The following ADAM12 variants were observed in gnomAD, a reference collection of about 807,000 sequenced individuals.
ADAM12 encodes the protein ADAM metallopeptidase domain 12.
A neutral mutation model predicts 106.4 loss-of-function variants in ADAM12; 70 were observed. That is an observed-to-expected ratio of 0.66 (90% CI 0.54 to 0.80). The LOEUF (loss-of-function observed/expected upper bound fraction) is 0.80. Ranked by LOEUF, ADAM12 falls within the 30% of genes least tolerant of loss-of-function variation. The probability of loss-of-function intolerance (pLI) is 0.00; values close to 1 mark genes in which losing one functional copy is unlikely to be tolerated. For synonymous variants in ADAM12, 420 were observed against 433.5 expected, an observed-to-expected ratio of 0.97 and a Z score of 0.39; for missense variants, 1,010 against 1,171.9, an observed-to-expected ratio of 0.86 and a Z score of 2.02.
chr10:126,264,194 A>G (rs753184187), intron 3 of ADAM12, among the ~76,000 whole-genome samples: 4 of 152,228 alleles, frequency 2.6e-5, no homozygotes, highest in Non-Finnish European at 4.4e-5. Flanking sequence ...ACTCCCAAGG[A>G]ACTTCTGTGA....
At position 126,039,403 on chromosome 10, in the gene ADAM12, G is replaced by T. The variant is rs756830179; in HGVS notation, c.2131C>A (p.Leu711Met). 4 of 1,614,156 alleles carry T rather than the reference G, an allele frequency of 2.5e-6. No individual in the cohort carries two copies. Among genetic ancestry groups the T allele is most frequent in the Non-Finnish European group, 3.4e-6 (4 of 1,180,012 alleles). ...GCAAGAAGACACAGGATGGTCACCA[G>T]AATTCCTATGGTTAAACCTTGGTTA... Reference protein sequence around the residue: ...ADNQGLTIGILVTILCLLAAG... With the variant: ...ADNQGLTIGIMVTILCLLAAG... Residue 711 changes from leucine to methionine, a missense_variant, in exon 19 of 23, where the codon CTG becomes ATG. Around this residue, in one of 3 missense-constraint regions of ADAM12, gnomAD observed 615 missense variants for 708.5 expected, o/e 0.87. Transcript: ENST00000448723.
At chr10:126,115,995 T>C (rs937852344) in intron 6 of ADAM12, among the ~76,000 whole-genome samples, 1 of 152,226 alleles carries the variant, frequency 6.6e-6, no homozygotes, top group Admixed American at 6.5e-5. Context: ...GAGAACTGAG[T>C]TGACCGGCAT....
intron 1 of ADAM12, among the ~76,000 whole-genome samples, chr10:126,366,608 T>C (rs904759838): frequency 3.3e-5 from 5 of 152,036 alleles, no homozygotes; most frequent in Non-Finnish European, 5.9e-5. Flanking sequence ...GAATAAATAT[T>C]TCAATTAAAA....
At chr10:126,183,581 G>T (rs1406411215) in intron 3 of ADAM12, among the ~76,000 whole-genome samples, 9 of 152,238 alleles carry the variant, frequency 5.9e-5, no homozygotes, top group Admixed American at 2.0e-4. Context: ...AGGCATAGCT[G>T]ATAAGTCAAC....
At chr10:126,261,178 G>A (rs1958994633) in intron 3 of ADAM12, among the ~76,000 whole-genome samples, 1 of 152,094 alleles carries the variant, frequency 6.6e-6, no homozygotes, top group Non-Finnish European at 1.5e-5. Flanking sequence ...TGGTACCCAT[G>A]AGGGGTTCTG....
rs1450895365 is a variant in ADAM12 at position 126,334,096 on chromosome 10, A to G, written c.89-3587T>C. Among the ~76,000 whole-genome samples, 5 of 152,198 alleles carry G rather than the reference A, an allele frequency of 3.3e-5. No homozygotes were observed. In the East Asian group the frequency reaches 9.6e-4, roughly 29 times the overall value. ...CTGGTATTTCTTTTAGATGATGCAA[A>G]TAAAAATTTTATTTCACTGCACGGA... is the stretch of plus-strand genomic sequence containing the variant. On this transcript the variant is annotated intron_variant, in intron 1 of 22. Transcript: ENST00000448723.
At chr10:126,065,026 C>T in intron 13 of ADAM12, 25 bp from the exon 14 acceptor site, 2 of 1,588,646 alleles carry the variant, frequency 1.3e-6, no homozygotes, top group Non-Finnish European at 1.7e-6. Context: ...CCATTTATGA[C>T]ACATGCACCC....
At position 126,118,064 on chromosome 10, in the gene ADAM12, G is replaced by T. The variant is rs773798621; in HGVS notation, c.577C>A (p.Pro193Thr). The change falls in exon 6 of 23, where the codon CCA becomes ACA. Residue 193 changes from proline (P) to threonine (T), a missense_variant. Pro to Thr is a conservative substitution (Grantham distance 38). Transcript: ENST00000448723. ...PNLAAKNVFP[P>T]PSQTWARRHK... is the part of the protein sequence containing the mutation. ...CTTCTTGCCCATGTCTGAGAGGGTG[G>T]TGGAAACACATTCTTTGCAGCGAGG... 1.2e-6 allele frequency: 2 copies of T among 1,614,080 alleles called. No individual in the cohort carries two copies. The highest frequency in any genetic ancestry group is 1.1e-5 in the South Asian group (1 of 91,072).
intron 3 of ADAM12, among the ~76,000 whole-genome samples, chr10:126,251,865 T>C (rs1044085691): frequency 1.6e-5 from 2 of 126,076 alleles, no homozygotes; most frequent in African/African-American, 6.2e-5. Context: ...ATAGGACAGA[T>C]GGATGGATGG....
At chr10:126,075,088 G>A (rs758388366) in intron 11 of ADAM12, among the ~76,000 whole-genome samples, 37 of 152,238 alleles carry the variant, frequency 2.4e-4, no homozygotes, top group South Asian at 4.2e-4. Flanking sequence ...CCATTTCCTC[G>A]GACTGGGTCA....
In ADAM12 at chr10:126,066,870, C is replaced by T; in HGVS notation, c.1324-64G>A. 1 of 1,477,824 alleles carries T rather than the reference C, an allele frequency of 6.8e-7. No individual in the cohort carries two copies. The highest frequency in any genetic ancestry group is 9.4e-7 in the Non-Finnish European group (1 of 1,062,106). 91.5% of individuals were successfully genotyped at this position (1,477,824 alleles called of 1,614,324 possible). On this transcript the variant is annotated intron_variant, in intron 12 of 22. Transcript: ENST00000448723. This position sits in a 1 kb window ranked among gnomAD's most constrained non-coding sequence, Gnocchi z 5.1. ...GGAGTATGCACTCACTGAATGCAAACATCACACCTTAAATGGCTGCAAAAA... is the reference window on the plus strand; with the variant it reads ...GGAGTATGCACTCACTGAATGCAAATATCACACCTTAAATGGCTGCAAAAA...
intron 3 of ADAM12, among the ~76,000 whole-genome samples, chr10:126,245,813 CCTTT>C: frequency 6.6e-6 from 1 of 152,096 alleles, no homozygotes; most frequent in East Asian, 1.9e-4. Context: ...AGAAAGTGGC[CCTTT>C]CTTTGGGTTG....
intron 21 of ADAM12, among the ~76,000 whole-genome samples, chr10:126,021,340 G>C (rs1019795825): frequency 4.6e-5 from 7 of 152,196 alleles, no homozygotes; most frequent in Admixed American, 4.6e-4. Context: ...TTCTCTCACA[G>C]TGCCTATCAT....
chr10:126,193,421 C>CA (rs1286881026), intron 3 of ADAM12, among the ~76,000 whole-genome samples: 1 of 151,956 alleles, frequency 6.6e-6, no homozygotes, highest in African/African-American at 2.4e-5. Context: ...CAATGATGGA[C>CA]AAAATCTATT....
intron 2 of ADAM12, among the ~76,000 whole-genome samples, chr10:126,298,539 G>A (rs1252282071): frequency 6.6e-6 from 1 of 152,012 alleles, no homozygotes; most frequent in Non-Finnish European, 1.5e-5. Flanking sequence ...GAGACATATG[G>A]GACATGGTGA....
At chr10:126,177,169 G>A (rs954759397) in intron 3 of ADAM12, among the ~76,000 whole-genome samples, 20 of 152,004 alleles carry the variant, frequency 1.3e-4, no homozygotes, top group African/African-American at 4.8e-4. Context: ...TATGAAAGGA[G>A]AGGCCAGGTT....
intron 2 of ADAM12, among the ~76,000 whole-genome samples, chr10:126,323,477 C>T (rs1854184799): frequency 6.6e-6 from 1 of 152,100 alleles, no homozygotes; most frequent in Non-Finnish European, 1.5e-5. Flanking sequence ...CCAGAGTTGC[C>T]AAAAGGAGGT....
chr10:126,191,933 G>A (rs1957509312), intron 3 of ADAM12, among the ~76,000 whole-genome samples: 1 of 152,168 alleles, frequency 6.6e-6, no homozygotes, highest in Admixed American at 6.5e-5. Flanking sequence ...AAGGTGAGGG[G>A]GAAGCAGGCA....
intron 2 of ADAM12, among the ~76,000 whole-genome samples, chr10:126,313,191 G>T (rs1351356234): frequency 2.0e-5 from 3 of 152,124 alleles, no homozygotes; most frequent in African/African-American, 7.2e-5. Context: ...GCTGGCTGTC[G>T]GCTTTCCATA....
Sources: gnomAD v4.1 joint callset for allele counts (sites outside exome capture counted in the v4.1 genomes callset) on GRCh38, gnomAD v4.1.1 for gene constraint, gnomAD v4.1.1 regional missense constraint, Gnocchi (gnomAD v3.1) non-coding constraint, MANE v1.5 for transcripts, NCBI Gene and HGNC (gene_info 2026-07-23, HGNC 2026-07-21) for gene names.